Variants in SPATA13 observed in about 807,000 individuals in gnomAD.
SPATA13 encodes spermatogenesis-associated protein 13.
In SPATA13, 50 loss-of-function variants were observed where a neutral mutation model predicts 104.0. That is an observed-to-expected ratio of 0.48 (90% CI 0.38 to 0.61). The LOEUF is 0.61. Ranked by LOEUF, SPATA13 falls within the 20% of genes least tolerant of loss-of-function variation. The pLI, the probability that SPATA13 is intolerant of heterozygous loss-of-function variation, is 0.00. For missense variants in SPATA13, 1,524 were observed against 1,690.6 expected, an observed-to-expected ratio of 0.90 and a Z score of 1.73; for synonymous variants, 606 against 667.5, an observed-to-expected ratio of 0.91 and a Z score of 1.42.
chr13:24,204,554 T>C (rs1870594932), intron 1 of SPATA13, among the ~76,000 whole-genome samples: 1 of 152,188 alleles, frequency 6.6e-6, no homozygotes, highest in Admixed American at 6.5e-5. Context: ...CGAGAACTGT[T>C]CCATCTCCCA....
intron 2 of SPATA13, among the ~76,000 whole-genome samples, chr13:23,987,217 T>C (rs1875190607): frequency 6.6e-6 from 1 of 152,200 alleles, no homozygotes; most frequent in African/African-American, 2.4e-5. Flanking sequence ...CAGGTTTTCT[T>C]TCAGTGGTTG....
intron 3 of SPATA13, among the ~76,000 whole-genome samples, chr13:24,052,134 A>G (rs12864662): frequency 0.37 from 56,779 of 152,166 alleles, 11,992 homozygotes; most frequent in East Asian, 0.51. Context: ...CGCAATTCCA[A>G]ATGGAAGAAA....
intron 4 of SPATA13, among the ~76,000 whole-genome samples, chr13:24,276,059 C>T (rs1175493518): frequency 6.6e-6 from 1 of 151,976 alleles, no homozygotes; most frequent in Non-Finnish European, 1.5e-5. Flanking sequence ...ATGATGCAGC[C>T]ATGTGGAAAA....
intron 3 of SPATA13, among the ~76,000 whole-genome samples, chr13:24,030,243 G>A (rs1387414320): frequency 1.3e-5 from 2 of 152,146 alleles, no homozygotes; most frequent in Non-Finnish European, 2.9e-5. Context: ...ACATTCACTG[G>A]TGTTAGACAT....
intron 3 of SPATA13, among the ~76,000 whole-genome samples, chr13:24,032,641 A>G (rs993557979): frequency 3.9e-5 from 6 of 152,220 alleles, no homozygotes; most frequent in Non-Finnish European, 7.3e-5. Flanking sequence ...AAAATAAGGC[A>G]TTAGAGTTTC....
intron 3 of SPATA13, among the ~76,000 whole-genome samples, chr13:24,033,261 C>T (rs7330947): frequency 0.13 from 19,785 of 152,102 alleles, 1,800 homozygotes; most frequent in East Asian, 0.52. Context: ...AAAAATGAAA[C>T]GAAAGCAGTC....
At chr13:24,046,064 T>C (rs796195678) in intron 3 of SPATA13, among the ~76,000 whole-genome samples, 23 of 152,382 alleles carry the variant, frequency 1.5e-4, no homozygotes, top group African/African-American at 4.8e-4. Context: ...TAATAAATGC[T>C]GTGCAGAACC....
intron 4 of SPATA13, among the ~76,000 whole-genome samples, chr13:24,275,200 C>T (rs919377465): frequency 6.6e-6 from 1 of 152,152 alleles, no homozygotes; most frequent in African/African-American, 2.4e-5. Flanking sequence ...GCATTCTACT[C>T]ACTGACAGCT....
chr13:24,164,807 G>T (rs994936452), intron 1 of SPATA13, among the ~76,000 whole-genome samples: 1 of 152,136 alleles, frequency 6.6e-6, no homozygotes, highest in Admixed American at 6.5e-5. Flanking sequence ...TCACAACATC[G>T]ATAGCTCCTG....
At chr13:24,212,784 G>T (rs887661714) in intron 1 of SPATA13, among the ~76,000 whole-genome samples, 1 of 152,212 alleles carries the variant, frequency 6.6e-6, no homozygotes, top group Non-Finnish European at 1.5e-5. Flanking sequence ...GGATAGGCAG[G>T]CTCAGCCTCC....
At chr13:24,282,653 G>T (rs564142887) in intron 4 of SPATA13, among the ~76,000 whole-genome samples, 1 of 152,254 alleles carries the variant, frequency 6.6e-6, no homozygotes, top group East Asian at 1.9e-4. Flanking sequence ...CCCAGGCTCT[G>T]CCCCAACAGC....
At chr13:24,220,405 C>T (rs1274419354) in intron 1 of SPATA13, among the ~76,000 whole-genome samples, 1 of 152,226 alleles carries the variant, frequency 6.6e-6, no homozygotes, top group East Asian at 1.9e-4. Context: ...ACCATTACTA[C>T]TAATGTCAGT....
intron 3 of SPATA13, among the ~76,000 whole-genome samples, chr13:24,061,524 A>G (rs1878771871): frequency 6.6e-6 from 1 of 152,236 alleles, no homozygotes; most frequent in Non-Finnish European, 1.5e-5. Flanking sequence ...TGCACCATGG[A>G]ATACTATGCA....
At chr13:24,062,110 A>G (rs1251184587) in intron 3 of SPATA13, among the ~76,000 whole-genome samples, 2 of 152,228 alleles carry the variant, frequency 1.3e-5, no homozygotes, top group Non-Finnish European at 2.9e-5. Context: ...GGGTATCTTG[A>G]GGAACACACT....
chr13:24,137,694 G>A (rs1185199074), intron 3 of SPATA13, among the ~76,000 whole-genome samples: 1 of 152,136 alleles, frequency 6.6e-6, no homozygotes, highest in Non-Finnish European at 1.5e-5. Context: ...GGGGGGCGGA[G>A]GTTGCAGTGA....
At chr13:24,139,481 G>A (rs1412019750) in intron 3 of SPATA13, among the ~76,000 whole-genome samples, 1 of 152,216 alleles carries the variant, frequency 6.6e-6, no homozygotes, top group Non-Finnish European at 1.5e-5. Context: ...ACTGGCAGGT[G>A]ACTGGTACAA....
chr13:24,166,920 T>C (rs538117906), intron 1 of SPATA13, among the ~76,000 whole-genome samples: 1 of 152,230 alleles, frequency 6.6e-6, no homozygotes, highest in East Asian at 1.9e-4. Flanking sequence ...GGTTTAAATT[T>C]CAACATCAAA....
At chr13:24,298,610 C>T (rs1452304242) in intron 11 of SPATA13, among the ~76,000 whole-genome samples, 1 of 152,174 alleles carries the variant, frequency 6.6e-6, no homozygotes, top group Admixed American at 6.5e-5. Context: ...ATATTCATCT[C>T]TGCAGCCCAA....
chr13:24,181,881 A>G (rs1172520734), intron 1 of SPATA13, among the ~76,000 whole-genome samples: 5 of 151,728 alleles, frequency 3.3e-5, no homozygotes, highest in South Asian at 2.1e-4. Context: ...TTGGGAGGCC[A>G]AGACGGGTGG....
Sources: gnomAD v4.1 joint callset for allele counts (sites outside exome capture counted in the v4.1 genomes callset) on GRCh38, gnomAD v4.1.1 for gene constraint, MANE v1.5 for transcripts, NCBI Gene and HGNC (gene_info 2026-07-23, HGNC 2026-07-21) for gene names.